Variants in CTNNA3 observed in about 807,000 individuals in gnomAD.
CTNNA3 encodes the protein catenin alpha-3.
A neutral mutation model predicts 95.7 loss-of-function variants in CTNNA3; 76 were observed. That is an observed-to-expected ratio of 0.79 (90% CI 0.66 to 0.96). The LOEUF is 0.96. CTNNA3 is among the 40% of genes least tolerant of loss of function. The pLI is 0.00. For synonymous variants in CTNNA3, 431 were observed against 374.4 expected (o/e 1.15, Z -1.74); for missense variants, 1,191 against 1,089.8 (o/e 1.09, Z -1.31).
chr10:66,209,619 C>A (rs981582716), intron 13 of CTNNA3, among the ~76,000 whole-genome samples: 1 of 151,882 alleles, frequency 6.6e-6, no homozygotes, highest in Non-Finnish European at 1.5e-5. Flanking sequence ...GAGTAGAAAA[C>A]GCAGTCAGAG....
chr10:67,389,972 G>A (rs1455534262), intron 5 of CTNNA3, among the ~76,000 whole-genome samples: 1 of 150,814 alleles, frequency 6.6e-6, no homozygotes, highest in Non-Finnish European at 1.5e-5. Context: ...ATCCAAAATT[G>A]ACACCCTAAC....
intron 5 of CTNNA3, among the ~76,000 whole-genome samples, chr10:67,345,196 T>G (rs922746628): frequency 6.6e-6 from 1 of 152,148 alleles, no homozygotes; most frequent in South Asian, 2.1e-4. Flanking sequence ...TTTCTTGTGG[T>G]CAGAGAAGAT....
intron 11 of CTNNA3, among the ~76,000 whole-genome samples, chr10:66,426,493 G>A (rs2093242346): frequency 6.6e-6 from 1 of 151,948 alleles, no homozygotes; most frequent in East Asian, 1.9e-4. Flanking sequence ...ATTTGAAAAT[G>A]TCTCTATTTT....
intron 11 of CTNNA3, among the ~76,000 whole-genome samples, chr10:66,437,092 C>A (rs2093343211): frequency 6.6e-6 from 1 of 152,020 alleles, no homozygotes; most frequent in Non-Finnish European, 1.5e-5. Context: ...TATGGGTAAC[C>A]CCACGTTTCT....
intron 5 of CTNNA3, among the ~76,000 whole-genome samples, chr10:67,394,519 A>T (rs1844646537): frequency 6.6e-6 from 1 of 152,170 alleles, no homozygotes; most frequent in African/African-American, 2.4e-5. Context: ...AAGAAAGAGT[A>T]ATTCTCCAAA....
chr10:65,983,994 A>G (rs1022931473), intron 16 of CTNNA3, among the ~76,000 whole-genome samples: 2 of 151,336 alleles, frequency 1.3e-5, no homozygotes, highest in Non-Finnish European at 3.0e-5. Flanking sequence ...GAATGTAACT[A>G]AATTGGTCTA....
rs531438601 is a variant in CTNNA3, at chr10:67,141,065, T to C, written c.1047+39252A>G. Among the ~76,000 whole-genome samples, 3 of 152,314 alleles carry C rather than the reference T, an allele frequency of 2.0e-5. No individual in the cohort carries two copies. The South Asian group carries it at 6.2e-4, about 32-fold the overall frequency. On this transcript the variant is annotated intron_variant, in intron 7 of 17. Transcript: ENST00000433211. ...GTTTCTGCTTTGAAGGAGCTTAAAA[T>C]AGGACATCACCTCAATGTAGAGGCA...
intron 7 of CTNNA3, among the ~76,000 whole-genome samples, chr10:66,863,207 A>G (rs913392104): frequency 2.1e-5 from 3 of 141,668 alleles, no homozygotes; most frequent in Non-Finnish European, 4.8e-5. Context: ...ACACACACAC[A>G]CACGCACACA....
At chr10:66,407,447 A>G (rs977243927) in intron 11 of CTNNA3, among the ~76,000 whole-genome samples, 1 of 151,854 alleles carries the variant, frequency 6.6e-6, no homozygotes, top group Non-Finnish European at 1.5e-5. Context: ...TAATTTAAAA[A>G]CTCTGAACAC....
At chr10:67,029,375 G>C (rs1325631431) in intron 7 of CTNNA3, among the ~76,000 whole-genome samples, 2 of 152,174 alleles carry the variant, frequency 1.3e-5, no homozygotes, top group Admixed American at 6.5e-5. Flanking sequence ...GTTCAGAGCA[G>C]GTTGATTGAT....
intron 5 of CTNNA3, among the ~76,000 whole-genome samples, chr10:67,362,796 G>GA (rs34913748): frequency 0.04 from 5,768 of 145,862 alleles, 158 homozygotes; most frequent in South Asian, 0.1. Context: ...CATTCAAATA[G>GA]AAAAAAAAAA....
intron 5 of CTNNA3, among the ~76,000 whole-genome samples, chr10:67,441,668 T>G (rs1190474120): frequency 6.6e-6 from 1 of 152,108 alleles, no homozygotes; most frequent in Non-Finnish European, 1.5e-5. Context: ...ATATCTAAAG[T>G]GCTGAAGGAA....
At chr10:65,981,435 C>T (rs765844928) in intron 16 of CTNNA3, among the ~76,000 whole-genome samples, 6 of 151,776 alleles carry the variant, frequency 4.0e-5, no homozygotes, top group South Asian at 2.1e-4. Context: ...AAGCATTCCA[C>T]GAATTCAATG....
At chr10:67,666,563 T>C (rs1840334421) in intron 1 of CTNNA3, among the ~76,000 whole-genome samples, 3 of 152,178 alleles carry the variant, frequency 2.0e-5, no homozygotes, top group Admixed American at 2.0e-4. Context: ...ATCATCCATA[T>C]TTTAAAAACA....
intron 9 of CTNNA3, among the ~76,000 whole-genome samples, chr10:66,700,153 G>T (rs1847898447): frequency 6.6e-6 from 1 of 152,070 alleles, no homozygotes; most frequent in Admixed American, 6.6e-5. Context: ...AGTCCCACTT[G>T]TTTAATTTTG....
chr10:67,103,817 G>C (rs889295361), intron 7 of CTNNA3, among the ~76,000 whole-genome samples: 4 of 151,420 alleles, frequency 2.6e-5, no homozygotes, highest in Non-Finnish European at 4.4e-5. Context: ...AGCAGAAAAA[G>C]AATTTGCCTA....
At chr10:65,964,058 T>C (rs1380721208) in intron 17 of CTNNA3, among the ~76,000 whole-genome samples, 1 of 152,226 alleles carries the variant, frequency 6.6e-6, no homozygotes. Flanking sequence ...AAACTTTGAA[T>C]AGTCTGTAGT....
At chr10:67,428,875 T>C (rs1846009795) in intron 5 of CTNNA3, among the ~76,000 whole-genome samples, 3 of 151,958 alleles carry the variant, frequency 2.0e-5, no homozygotes, top group African/African-American at 7.2e-5. Flanking sequence ...AGTTCTTCAG[T>C]ATTAGAACTC....
In CTNNA3 at chr10:67,608,104, T is replaced by G. The variant is rs1344750246; in HGVS notation, c.100-1055A>C. On this transcript the variant is annotated intron_variant, in intron 2 of 17. Transcript: ENST00000433211. Reference sequence around the variant, plus strand: ...CAGGGGACTTTGAGTGAGACCTGTTTGAGAGGCCAAATGAGTTAGGGGAAA... The same window carrying G: ...CAGGGGACTTTGAGTGAGACCTGTTGGAGAGGCCAAATGAGTTAGGGGAAA... 2.0e-5 allele frequency among the ~76,000 whole-genome samples: 3 copies of G among 152,138 alleles called. No individual in the cohort carries two copies. In the East Asian group the frequency reaches 5.8e-4, roughly 29 times the overall value.
Sources: allele counts gnomAD v4.1 joint callset (sites outside exome capture counted in the v4.1 genomes callset), GRCh38; gene constraint gnomAD v4.1.1; transcripts MANE v1.5; gene names NCBI Gene and HGNC (gene_info 2026-07-23, HGNC 2026-07-21).